The following WDFY2 variants were observed in gnomAD, a reference collection of about 807,000 sequenced individuals.
The protein encoded by WDFY2 is WD repeat and FYVE domain containing 2.
Under a neutral mutation model 56.4 loss-of-function variants are expected in WDFY2, and 36 were observed. That is an observed-to-expected ratio of 0.64 (90% CI 0.49 to 0.84). The LOEUF is 0.84. Among genes scored for constraint, WDFY2 ranks in the 40% least tolerant of loss-of-function variants. The pLI is 0.00. For missense variants in WDFY2, 444 were observed against 512.2 expected (o/e 0.87, Z 1.29); for synonymous variants, 176 against 183.7 (o/e 0.96, Z 0.34).
Position 51,767,585 on chromosome 13 carries a change from G to A in WDFY2, c.*7816G>A, listed in dbSNP as rs1205648597. The A allele has an allele frequency of 1.3e-5, 2 of 150,144 alleles. No individual in the cohort carries two copies. The highest frequency in any genetic ancestry group is 6.5e-5 in the Admixed American group (1 of 15,278). 9.3% of individuals were successfully genotyped at this position (150,144 alleles called of 1,614,324 possible). On this transcript the variant is annotated 3_prime_UTR_variant, in exon 12 of 12. Transcript: ENST00000298125. ...CAACTTTTCCTGGAGTCACTAAGAG[G>A]TAAAATGGTGTAAATTAGAGGTTTT... is the stretch of plus-strand genomic sequence containing the variant.
chr13:51,747,829 C>G (rs942590941), intron 7 of WDFY2, among the ~76,000 whole-genome samples: 5 of 152,222 alleles, frequency 3.3e-5, no homozygotes, highest in African/African-American at 4.8e-5. Flanking sequence ...CTGCGCCTCA[C>G]CACATTTCTC....
intron 9 of WDFY2, among the ~76,000 whole-genome samples, chr13:51,756,073 T>C (rs573668241): frequency 1.3e-5 from 2 of 152,278 alleles, no homozygotes; most frequent in South Asian, 4.2e-4. Flanking sequence ...AGTATGATCA[T>C]TGGAAAGGAC....
chr13:51,758,350 T>C, intron 11 of WDFY2, 50 bp downstream of exon 11: 1 of 1,379,094 alleles, frequency 7.3e-7, no homozygotes, highest in East Asian at 2.4e-5. Flanking sequence ...CTCATATAAA[T>C]ATACAGGAGC....
intron 1 of WDFY2, among the ~76,000 whole-genome samples, chr13:51,651,180 A>G (rs1043371865): frequency 6.6e-6 from 1 of 152,194 alleles, no homozygotes; most frequent in African/African-American, 2.4e-5. Context: ...CATTTCTTCT[A>G]GATTTTCTAG....
In WDFY2 at chr13:51,760,755, A is replaced by C. The variant is rs1013695514; in HGVS notation, c.*986A>C. On this transcript the variant is annotated 3_prime_UTR_variant, in exon 12 of 12. Transcript: ENST00000298125. ...ATTAGCTTCTCATAAGGAGCACGCA[A>C]CCTAAATCCCTCGCATGCGCAGTTC... 5.3e-5 allele frequency: 8 copies of C among 152,240 alleles called. No individual in the cohort carries two copies. Among genetic ancestry groups the C allele is most frequent in the Admixed American group, 3.3e-4 (5 of 15,288 alleles). 9.4% of individuals were successfully genotyped at this position (152,240 alleles called of 1,614,324 possible).
chr13:51,730,179 T>C (rs897246877), intron 6 of WDFY2, among the ~76,000 whole-genome samples: 4 of 152,194 alleles, frequency 2.6e-5, no homozygotes, highest in Non-Finnish European at 5.9e-5. Flanking sequence ...AGAATATAAT[T>C]TTCCCAGCTG....
chr13:51,594,477 C>T (rs534616583), intron 1 of WDFY2, among the ~76,000 whole-genome samples: 15 of 152,190 alleles, frequency 9.9e-5, no homozygotes, highest in African/African-American at 2.2e-4. Context: ...ATTTGTGAAA[C>T]GACTTTTATC....
chr13:51,612,650 A>G (rs1954525474), intron 1 of WDFY2, among the ~76,000 whole-genome samples: 1 of 152,246 alleles, frequency 6.6e-6, no homozygotes, highest in Admixed American at 6.5e-5. Context: ...AATGCTTTGG[A>G]CTAGTTGGGA....
chr13:51,676,299 A>G (rs1187090142), intron 3 of WDFY2, among the ~76,000 whole-genome samples: 1 of 152,216 alleles, frequency 6.6e-6, no homozygotes. Flanking sequence ...CCTTGAGTGC[A>G]GGGCCCCTCA....
intron 1 of WDFY2, among the ~76,000 whole-genome samples, chr13:51,639,447 T>C (rs547204532): frequency 5.9e-5 from 9 of 152,292 alleles, no homozygotes; most frequent in Middle Eastern, 3.4e-3. Flanking sequence ...CCAAGCAAAA[T>C]TGTAGAGGGC....
At chr13:51,715,203 C>A (rs1952316440) in intron 4 of WDFY2, among the ~76,000 whole-genome samples, 1 of 152,002 alleles carries the variant, frequency 6.6e-6, no homozygotes, top group South Asian at 2.1e-4. Flanking sequence ...AATATTTTTT[C>A]AATAATAAAC....
chr13:51,613,144 G>A (rs1490788958), intron 1 of WDFY2, among the ~76,000 whole-genome samples: 2 of 151,986 alleles, frequency 1.3e-5, no homozygotes, highest in Non-Finnish European at 2.9e-5. Context: ...GCTGTAGTGT[G>A]TGATCATCAT....
intron 1 of WDFY2, chr13:51,588,929 A>G (rs1953994519): frequency 6.6e-6 from 1 of 152,164 alleles, no homozygotes; most frequent in African/African-American, 2.4e-5. Flanking sequence ...TGTAGGAGAG[A>G]TAACTATAGA....
intron 1 of WDFY2, among the ~76,000 whole-genome samples, chr13:51,613,963 G>A (rs1954553536): frequency 6.6e-6 from 1 of 151,948 alleles, no homozygotes; most frequent in African/African-American, 2.4e-5. Context: ...GAGGCGAGTG[G>A]ATCATGAGGT....
intron 3 of WDFY2, among the ~76,000 whole-genome samples, chr13:51,700,202 T>G (rs1040794355): frequency 6.6e-6 from 1 of 152,232 alleles, no homozygotes; most frequent in South Asian, 2.1e-4. Flanking sequence ...AGGGTGAGAT[T>G]GAAGGTGAAG....
At chr13:51,633,449 AC>A (rs1954991194) in intron 1 of WDFY2, among the ~76,000 whole-genome samples, 1 of 152,222 alleles carries the variant, frequency 6.6e-6, no homozygotes, top group Non-Finnish European at 1.5e-5. Context: ...AAATTTGTTA[AC>A]GGCTTAAGGC....
intron 4 of WDFY2, among the ~76,000 whole-genome samples, chr13:51,706,166 A>G (rs1388508190): frequency 6.6e-6 from 1 of 152,188 alleles, no homozygotes; most frequent in Non-Finnish European, 1.5e-5. Flanking sequence ...ATGGAAACCT[A>G]TTCTCCACAA....
At chr13:51,714,111 T>G (rs936342291) in intron 4 of WDFY2, among the ~76,000 whole-genome samples, 1 of 151,994 alleles carries the variant, frequency 6.6e-6, no homozygotes, top group Non-Finnish European at 1.5e-5. Context: ...TTTTTTGTTA[T>G]GTATATTTTA....
intron 1 of WDFY2, among the ~76,000 whole-genome samples, chr13:51,607,578 A>G (rs919529860): frequency 3.3e-5 from 5 of 152,100 alleles, no homozygotes; most frequent in African/African-American, 1.2e-4. Context: ...AAAATAATGT[A>G]TCTTATCATC....
Sources: gnomAD v4.1 joint callset for allele counts (sites outside exome capture counted in the v4.1 genomes callset) on GRCh38, gnomAD v4.1.1 for gene constraint, MANE v1.5 for transcripts, NCBI Gene and HGNC (gene_info 2026-07-23, HGNC 2026-07-21) for gene names.